The following EYA2 variants were observed in gnomAD, a reference collection of about 807,000 sequenced individuals.
EYA2 encodes protein phosphatase EYA2.
A neutral mutation model predicts 69.2 loss-of-function variants in EYA2; 31 were observed. The ratio of observed to expected loss-of-function variants is 0.45; its 90% CI spans 0.34 to 0.60. The LOEUF (loss-of-function observed/expected upper bound fraction) is 0.60. EYA2 is among the 20% of genes least tolerant of loss of function. EYA2 has a pLI of 0.02. For missense variants in EYA2, 622 were observed against 701.2 expected (o/e 0.89, Z 1.28); for synonymous variants, 257 against 279.4 (o/e 0.92, Z 0.80).
chr20:46,901,050 A>G (rs1439101023), intron 1 of EYA2: 1 of 152,162 alleles, frequency 6.6e-6, no homozygotes, highest in Non-Finnish European at 1.5e-5. Context: ...TGAAGTGGAC[A>G]CAGAAAGCGG....
Position 47,169,121 on chromosome 20 carries a change from C to G in EYA2, c.979-18C>G, listed in dbSNP as rs1568823566. 1.7e-5 allele frequency: 27 copies of G among 1,608,584 alleles called. No homozygotes were observed. The highest frequency in any genetic ancestry group is 2.0e-5 in the Non-Finnish European group (24 of 1,176,538). ...GCATGTTCTCTCTCTCTCTCTCTCTCTGTCAAATTTTCCATAGGATTGTGA... is the reference window on the plus strand; with the variant it reads ...GCATGTTCTCTCTCTCTCTCTCTCTGTGTCAAATTTTCCATAGGATTGTGA... On this transcript the variant is annotated intron_variant, in intron 10 of 15. Coordinates refer to ENST00000327619, the MANE Select transcript of EYA2 (RefSeq NM_005244.5).
intron 5 of EYA2, among the ~76,000 whole-genome samples, chr20:47,056,208 T>A (rs993432709): frequency 7.9e-5 from 12 of 152,234 alleles, no homozygotes; most frequent in African/African-American, 2.9e-4. Flanking sequence ...GGGTGTGGGT[T>A]TGGAGTTTTT....
At chr20:46,988,936 G>C (rs975185982) in intron 1 of EYA2, among the ~76,000 whole-genome samples, 2 of 152,076 alleles carry the variant, frequency 1.3e-5, no homozygotes, top group African/African-American at 4.8e-5. Context: ...GAACTCCTGG[G>C]CTCAAGTGAT....
chr20:46,996,347 C>A (rs1390382907), intron 2 of EYA2, among the ~76,000 whole-genome samples: 2 of 152,106 alleles, frequency 1.3e-5, no homozygotes, highest in Admixed American at 1.3e-4. Context: ...TTTATGAACC[C>A]CAAATTGTGA....
intron 2 of EYA2, among the ~76,000 whole-genome samples, chr20:46,998,761 C>T (rs1982185594): frequency 6.6e-6 from 1 of 152,220 alleles, no homozygotes; most frequent in Non-Finnish European, 1.5e-5. Context: ...ACTCACTCTC[C>T]AGTTTCTCAA....
intron 1 of EYA2, among the ~76,000 whole-genome samples, chr20:46,950,442 A>G (rs73908722): frequency 6.6e-6 from 1 of 152,110 alleles, no homozygotes; most frequent in Non-Finnish European, 1.5e-5. Flanking sequence ...CCAAGATTGC[A>G]CATGGTTTGG....
rs112437876 is a variant in EYA2 at position 46,952,191 on chromosome 20, T to C, written c.-10-37810T>C. ...TTAAGGTAGGGTGGTCAGGGAGGTC[T>C]CTCTGGCAGAGGCCTGAGAGGGGCA... On this transcript the variant is annotated intron_variant, in intron 1 of 15. Coordinates refer to ENST00000327619, the MANE Select transcript of EYA2 (RefSeq NM_005244.5). Among the ~76,000 whole-genome samples the C allele has an allele frequency of 5.7e-3, 865 of 152,154 alleles. 8 individuals carry two copies. The highest frequency in any genetic ancestry group is 0.02 in the Middle Eastern group (6 of 294).
At chr20:46,895,497 T>A (rs903244031) in intron 1 of EYA2, among the ~76,000 whole-genome samples, 6 of 152,230 alleles carry the variant, frequency 3.9e-5, no homozygotes, top group African/African-American at 1.4e-4. Flanking sequence ...GCTATTGATA[T>A]ATTTCTTTTC....
chr20:47,001,193 T>G (rs904456018), intron 2 of EYA2, among the ~76,000 whole-genome samples: 1 of 152,040 alleles, frequency 6.6e-6, no homozygotes, highest in African/African-American at 2.4e-5. Context: ...ATGGATTCTT[T>G]AGATGTCATT....
intron 1 of EYA2, among the ~76,000 whole-genome samples, chr20:46,908,835 A>C (rs1224103959): frequency 7.2e-6 from 1 of 138,116 alleles, no homozygotes. Flanking sequence ...TGGGAATCAA[A>C]TTTCAGTGAA....
At chr20:47,174,066 G>T (rs1051354783) in intron 12 of EYA2, among the ~76,000 whole-genome samples, 18 of 152,330 alleles carry the variant, frequency 1.2e-4, no homozygotes, top group Admixed American at 1.1e-3. Context: ...AACTAGGGGT[G>T]GTACTGCGCC....
chr20:47,170,035 A>G (rs1368671341), intron 11 of EYA2, among the ~76,000 whole-genome samples: 1 of 151,840 alleles, frequency 6.6e-6, no homozygotes, highest in East Asian at 1.9e-4. Flanking sequence ...CCTCCTGAGT[A>G]GCTGGGATTA....
chr20:47,149,317 T>A (rs140310974), intron 10 of EYA2, among the ~76,000 whole-genome samples: 1 of 152,092 alleles, frequency 6.6e-6, no homozygotes, highest in East Asian at 1.9e-4. Context: ...AGAAAAGGGA[T>A]CTAAAGTAGA....
chr20:46,980,990 TTATC>T (rs1411971745), intron 1 of EYA2, among the ~76,000 whole-genome samples: 3 of 152,242 alleles, frequency 2.0e-5, no homozygotes, highest in African/African-American at 4.8e-5. Context: ...CACATTTTCT[TTATC>T]CATCCATCAA....
At chr20:47,081,250 G>A (rs778529148) in intron 7 of EYA2, among the ~76,000 whole-genome samples, 6 of 152,032 alleles carry the variant, frequency 3.9e-5, no homozygotes, top group Non-Finnish European at 8.8e-5. Context: ...GATGAGATTT[G>A]ATGGGGACAC....
At chr20:46,973,560 G>A (rs374454482) in intron 1 of EYA2, among the ~76,000 whole-genome samples, 1 of 152,208 alleles carries the variant, frequency 6.6e-6, no homozygotes, top group Non-Finnish European at 1.5e-5. Flanking sequence ...ATGAGGTGTG[G>A]TGGAGAGAAG....
chr20:47,072,034 G>T (rs905550899), intron 5 of EYA2, 151 bp from the exon 6 acceptor site: 12 of 715,576 alleles, frequency 1.7e-5, no homozygotes, highest in Non-Finnish European at 3.0e-5. Flanking sequence ...TGGGAACGCT[G>T]GTGTGAGGCA....
chr20:47,129,146 C>G (rs1296160286), intron 9 of EYA2, among the ~76,000 whole-genome samples: 2 of 152,072 alleles, frequency 1.3e-5, no homozygotes, highest in Non-Finnish European at 2.9e-5. Context: ...ATAAATTAAC[C>G]AAGCATCTGC....
chr20:47,153,430 C>G (rs1005374669), intron 10 of EYA2, among the ~76,000 whole-genome samples: 1 of 151,444 alleles, frequency 6.6e-6, no homozygotes, highest in Non-Finnish European at 1.5e-5. Context: ...CACTTGAGCA[C>G]AGGAGTTTGA....
Sources: gnomAD v4.1 joint callset for allele counts (sites outside exome capture counted in the v4.1 genomes callset) on GRCh38, gnomAD v4.1.1 for gene constraint, MANE v1.5 for transcripts, NCBI Gene and HGNC (gene_info 2026-07-23, HGNC 2026-07-21) for gene names.